ADGRL3: variants seen among roughly 807,000 people sequenced by gnomAD.
The protein encoded by ADGRL3 is calcium-independent alpha-latrotoxin receptor 3.
Under a neutral mutation model 153.5 loss-of-function variants are expected in ADGRL3, and 62 were observed. The ratio of observed to expected loss-of-function variants is 0.40; its 90% confidence interval spans 0.33 to 0.50. ADGRL3 has a LOEUF of 0.50. Among genes scored for constraint, ADGRL3 ranks in the 20% least tolerant of loss-of-function variants. The probability of loss-of-function intolerance (pLI) is 0.47; values close to 1 mark genes in which losing one functional copy is unlikely to be tolerated. For missense variants in ADGRL3, 1,641 were observed against 1,859.4 expected, an observed-to-expected ratio of 0.88 and a Z score of 2.16; for synonymous variants, 710 against 672.5, an observed-to-expected ratio of 1.06 and a Z score of -0.86.
At chr4:62,068,632 A>G (rs1189291519) in intron 26 of ADGRL3, among the ~76,000 whole-genome samples, 3 of 152,182 alleles carry the variant, frequency 2.0e-5, no homozygotes, top group Non-Finnish European at 2.9e-5. Context: ...ATAGCCATCA[A>G]GCATATCATA....
chr4:61,466,661 C>T (rs2097888086), intron 2 of ADGRL3, among the ~76,000 whole-genome samples: 1 of 152,090 alleles, frequency 6.6e-6, no homozygotes, highest in Non-Finnish European at 1.5e-5. Context: ...TTAAGACGTA[C>T]CATGTATGGT....
intron 5 of ADGRL3, among the ~76,000 whole-genome samples, chr4:61,631,926 C>T (rs1034802784): frequency 9.2e-5 from 14 of 151,994 alleles, no homozygotes; most frequent in Admixed American, 3.9e-4. Flanking sequence ...CACACCTGGC[C>T]GCTGAATATA....
intron 8 of ADGRL3, among the ~76,000 whole-genome samples, chr4:61,767,595 A>G (rs2097011967): frequency 6.6e-6 from 1 of 152,100 alleles, no homozygotes; most frequent in Non-Finnish European, 1.5e-5. Context: ...TCAGTCAGAG[A>G]GCCTTGGGCC....
intron 1 of ADGRL3, among the ~76,000 whole-genome samples, chr4:61,203,940 G>A (rs141813644): frequency 4.6e-5 from 7 of 150,646 alleles, no homozygotes; most frequent in Non-Finnish European, 8.8e-5. Flanking sequence ...ACCAAAGCAA[G>A]GGTAAAGACT....
intron 5 of ADGRL3, among the ~76,000 whole-genome samples, chr4:61,621,721 G>A (rs1234692483): frequency 6.6e-6 from 1 of 151,780 alleles, no homozygotes; most frequent in Non-Finnish European, 1.5e-5. Context: ...TTTACTTGTG[G>A]TCGTCAAGAT....
intron 9 of ADGRL3, among the ~76,000 whole-genome samples, chr4:61,867,740 GA>G (rs2098411621): frequency 1.3e-5 from 2 of 151,708 alleles, no homozygotes; most frequent in South Asian, 4.2e-4. Flanking sequence ...CTGTGTTGTG[GA>G]GAAACATAAC....
chr4:61,509,483 ATG>A (rs1203390592), intron 3 of ADGRL3, among the ~76,000 whole-genome samples: 1 of 151,992 alleles, frequency 6.6e-6, no homozygotes, highest in African/African-American at 2.4e-5. Context: ...TTATAAGTCT[ATG>A]TGTGCAATCT....
At chr4:61,844,575 A>AAAAATATATATATATATATAT (rs1554045137) in intron 9 of ADGRL3, among the ~76,000 whole-genome samples, 1 of 18,108 alleles carries the variant, frequency 5.5e-5, no homozygotes, top group African/African-American at 2.6e-4. Context: ...AAAAAAAAAA[A>AAAAATATATATATATATATAT]ATATATATAT....
intron 21 of ADGRL3, 145 bp from the exon 22 acceptor site, chr4:62,028,710 C>T (rs558437515): frequency 5.1e-5 from 27 of 529,872 alleles, no homozygotes; most frequent in East Asian, 2.2e-4. Context: ...TAGGATTTAC[C>T]TTCTAGATAT....
At chr4:61,389,212 CACA>C (rs1038300485) in intron 2 of ADGRL3, among the ~76,000 whole-genome samples, 19 of 152,132 alleles carry the variant, frequency 1.2e-4, no homozygotes, top group African/African-American at 4.6e-4. Context: ...TCCAGTTTAA[CACA>C]ACAACAATGG....
chr4:61,939,395 C>T (rs1394431974), intron 15 of ADGRL3, among the ~76,000 whole-genome samples: 1 of 151,824 alleles, frequency 6.6e-6, no homozygotes, highest in East Asian at 1.9e-4. Context: ...TCTTACCAGT[C>T]TTCTTATTCC....
intron 1 of ADGRL3, among the ~76,000 whole-genome samples, chr4:61,348,835 T>C (rs1170977496): frequency 5.9e-5 from 9 of 152,008 alleles, no homozygotes; most frequent in African/African-American, 1.4e-4. Flanking sequence ...ATTATTTCTT[T>C]GTGTTTTACT....
At chr4:61,237,902 G>A (rs1045671256) in intron 1 of ADGRL3, among the ~76,000 whole-genome samples, 2 of 152,136 alleles carry the variant, frequency 1.3e-5, no homozygotes, top group Non-Finnish European at 2.9e-5. Context: ...ACACTGCCGG[G>A]TAACTTTTGT....
intron 5 of ADGRL3, among the ~76,000 whole-genome samples, chr4:61,663,412 C>T (rs564832604): frequency 4.6e-5 from 7 of 152,352 alleles, no homozygotes; most frequent in South Asian, 4.1e-4. Context: ...GCCACAGCCT[C>T]GCTGGGAGCT....
At chr4:61,631,877 T>C (rs2093188290) in intron 5 of ADGRL3, among the ~76,000 whole-genome samples, 1 of 152,164 alleles carries the variant, frequency 6.6e-6, no homozygotes, top group Non-Finnish European at 1.5e-5. Context: ...TCTGCCCCCC[T>C]CAGCCTTCCA....
intron 8 of ADGRL3, among the ~76,000 whole-genome samples, chr4:61,760,612 G>C (rs1561201763): frequency 6.6e-6 from 1 of 152,146 alleles, no homozygotes; most frequent in Admixed American, 6.5e-5. Context: ...TCCTGAGTGA[G>C]GCGATGCCTC....
chr4:61,438,226 G>C (rs551311912), intron 2 of ADGRL3, among the ~76,000 whole-genome samples: 1 of 152,136 alleles, frequency 6.6e-6, no homozygotes, highest in South Asian at 2.1e-4. Flanking sequence ...GAATATTTTA[G>C]TACCTCTTTT....
At chr4:61,290,602 C>A (rs930984845) in intron 1 of ADGRL3, among the ~76,000 whole-genome samples, 11 of 150,238 alleles carry the variant, frequency 7.3e-5, no homozygotes, top group African/African-American at 2.7e-4. Context: ...TATAATTGTA[C>A]CACTGCATTC....
intron 1 of ADGRL3, among the ~76,000 whole-genome samples, chr4:61,253,388 C>G (rs2091644664): frequency 6.6e-6 from 1 of 152,138 alleles, no homozygotes; most frequent in Non-Finnish European, 1.5e-5. Flanking sequence ...CCTTGACTGT[C>G]TCAAACCTTT....
Sources: allele counts gnomAD v4.1 joint callset (sites outside exome capture counted in the v4.1 genomes callset), GRCh38; gene constraint gnomAD v4.1.1; transcripts MANE v1.5; gene names NCBI Gene and HGNC (gene_info 2026-07-23, HGNC 2026-07-21).